Variants in RBFOX1 observed in about 807,000 individuals in gnomAD.
The protein encoded by RBFOX1 is RNA binding fox-1 homolog 1, also known as RNA binding protein fox-1 homolog 1.
In RBFOX1, 8 loss-of-function variants were observed where a neutral mutation model predicts 57.7. That is an observed-to-expected ratio of 0.14 (90% CI 0.08 to 0.25). The LOEUF is 0.25. RBFOX1 is among the 10% of genes least tolerant of loss of function. RBFOX1 has a pLI of 1.00. For synonymous variants in RBFOX1, 326 were observed against 222.4 expected, an observed-to-expected ratio of 1.47 and a Z score of -4.15; for missense variants, 611 against 548.5, an observed-to-expected ratio of 1.11 and a Z score of -1.14.
At chr16:7,262,089 T>G (rs1275599256) in intron 4 of RBFOX1, among the ~76,000 whole-genome samples, 1 of 152,202 alleles carries the variant, frequency 6.6e-6, no homozygotes, top group Non-Finnish European at 1.5e-5. Flanking sequence ...TTCCTTTTGC[T>G]GGGGGTACCA....
At chr16:6,755,880 G>C (rs1019694079) in intron 3 of RBFOX1, among the ~76,000 whole-genome samples, 1 of 152,092 alleles carries the variant, frequency 6.6e-6, no homozygotes, top group African/African-American at 2.4e-5. Flanking sequence ...TTTTGAGAAT[G>C]TATTGCTGAA....
At chr16:5,935,575 T>G (rs1383237784) in intron 4 of RBFOX1, among the ~76,000 whole-genome samples, 1 of 152,182 alleles carries the variant, frequency 6.6e-6, no homozygotes, top group African/African-American at 2.4e-5. Context: ...TTGGGGGATC[T>G]GGGTTCTGGA....
At chr16:7,335,070 T>A (rs1247736496) in intron 4 of RBFOX1, among the ~76,000 whole-genome samples, 1 of 152,182 alleles carries the variant, frequency 6.6e-6, no homozygotes, top group African/African-American at 2.4e-5. Flanking sequence ...CCCATGTTAT[T>A]TACCCTTTGG....
chr16:6,519,213 C>A (rs1010854393), intron 2 of RBFOX1, among the ~76,000 whole-genome samples: 5 of 152,000 alleles, frequency 3.3e-5, no homozygotes, highest in Non-Finnish European at 7.4e-5. Context: ...TAATACCTGC[C>A]CTGCCTACCA....
chr16:5,411,976 A>G (rs932044953), intron 1 of RBFOX1, among the ~76,000 whole-genome samples: 1 of 152,096 alleles, frequency 6.6e-6, no homozygotes, highest in Non-Finnish European at 1.5e-5. Flanking sequence ...CACTGAGACT[A>G]TTCTTATCTG....
chr16:6,562,864 CTTTCTTTCTTTCTTTCTTTT>C (rs2097199300), intron 2 of RBFOX1, among the ~76,000 whole-genome samples: 1 of 50,246 alleles, frequency 2.0e-5, no homozygotes, highest in Non-Finnish European at 3.3e-5. Context: ...TTCTTTCTTT[CTTTCTTTCTTTCTTTCTTTT>C]TTTTTTTTTT....
At chr16:7,189,913 C>G (rs1297338795) in intron 4 of RBFOX1, among the ~76,000 whole-genome samples, 2 of 152,212 alleles carry the variant, frequency 1.3e-5, no homozygotes, top group Non-Finnish European at 2.9e-5. Flanking sequence ...GATCATTCTC[C>G]TAATTGAAAT....
chr16:7,256,831 C>G (rs994628667), intron 4 of RBFOX1, among the ~76,000 whole-genome samples: 2 of 152,150 alleles, frequency 1.3e-5, no homozygotes, highest in African/African-American at 4.8e-5. Flanking sequence ...ACGCACACAT[C>G]TTTGCCTTTG....
intron 1 of RBFOX1, chr16:6,038,578 A>C (rs2095399601): frequency 6.9e-6 from 1 of 145,370 alleles, no homozygotes; most frequent in African/African-American, 2.5e-5. Context: ...TCATCCATAT[A>C]TATATATAAA....
chr16:6,327,497 C>G (rs531988825), intron 2 of RBFOX1, among the ~76,000 whole-genome samples: 1 of 152,120 alleles, frequency 6.6e-6, no homozygotes, highest in South Asian at 2.1e-4. Flanking sequence ...TGCTCATTTA[C>G]AGTCAGTTCG....
At chr16:5,748,779 G>T (rs1224734365) in intron 3 of RBFOX1, among the ~76,000 whole-genome samples, 1 of 152,040 alleles carries the variant, frequency 6.6e-6, no homozygotes, top group Non-Finnish European at 1.5e-5. Context: ...CACATGAGAT[G>T]GGTTTCCTGA....
chr16:6,200,402 AAG>A (rs530430062), intron 1 of RBFOX1, among the ~76,000 whole-genome samples: 129 of 152,008 alleles, frequency 8.5e-4, no homozygotes, highest in African/African-American at 3.0e-3. Context: ...GAGAGAGAGA[AAG>A]AGAGAAATGA....
intron 3 of RBFOX1, among the ~76,000 whole-genome samples, chr16:6,794,732 C>A (rs769679367): frequency 9.2e-5 from 14 of 152,102 alleles, no homozygotes; most frequent in Admixed American, 6.5e-4. Context: ...AGCTTGGATC[C>A]AGTATTCTTC....
intron 2 of RBFOX1, among the ~76,000 whole-genome samples, chr16:5,535,399 C>G (rs1245282056): frequency 6.6e-6 from 1 of 152,148 alleles, no homozygotes; most frequent in Non-Finnish European, 1.5e-5. Flanking sequence ...TTATCAGATT[C>G]TAAAAATGTA....
intron 4 of RBFOX1, among the ~76,000 whole-genome samples, chr16:7,156,852 T>C (rs1228195912): frequency 1.3e-5 from 2 of 152,168 alleles, no homozygotes; most frequent in Non-Finnish European, 2.9e-5. Context: ...AATGGCTAGA[T>C]CGATTTACTT....
chr16:6,212,274 T>G (rs539599531), intron 1 of RBFOX1, among the ~76,000 whole-genome samples: 1 of 152,344 alleles, frequency 6.6e-6, no homozygotes, highest in South Asian at 2.1e-4. Context: ...CTATGATTAC[T>G]TTTATGTAAA....
intron 4 of RBFOX1, among the ~76,000 whole-genome samples, chr16:7,233,499 C>G (rs907546476): frequency 6.6e-6 from 1 of 152,172 alleles, no homozygotes; most frequent in Non-Finnish European, 1.5e-5. Context: ...TCGATCAGCA[C>G]TTGTTAAATG....
chr16:6,628,961 C>T (rs777870684), intron 2 of RBFOX1, among the ~76,000 whole-genome samples: 4 of 152,096 alleles, frequency 2.6e-5, no homozygotes, highest in Admixed American at 6.5e-5. Context: ...ACCCAGGCTG[C>T]GGAGGTTACA....
At chr16:6,187,942 AT>A (rs1019942506) in intron 1 of RBFOX1, among the ~76,000 whole-genome samples, 44 of 152,322 alleles carry the variant, frequency 2.9e-4, no homozygotes, top group African/African-American at 1.0e-3. Flanking sequence ...GTGCACATGA[AT>A]GTGTGTATTT....
Sources: allele counts gnomAD v4.1 joint callset (sites outside exome capture counted in the v4.1 genomes callset), GRCh38; gene constraint gnomAD v4.1.1; transcripts MANE v1.5; gene names NCBI Gene and HGNC (gene_info 2026-07-23, HGNC 2026-07-21).